CD200: variants seen among roughly 807,000 people sequenced by gnomAD.
The protein encoded by CD200 is OX-2 membrane glycoprotein.
CD200 carries 15 observed loss-of-function variants against 30.9 expected under a neutral mutation model. The ratio of observed to expected loss-of-function variants is 0.49; its 90% confidence interval spans 0.32 to 0.75. CD200 has a LOEUF of 0.75. CD200 is among the 30% of genes least tolerant of loss of function. The pLI, the probability that CD200 is intolerant of heterozygous loss-of-function variation, is 0.03. For synonymous variants in CD200, 134 were observed against 126.2 expected (o/e 1.06, Z -0.41); for missense variants, 262 against 324.2 (o/e 0.81, Z 1.47).
rs563639303 is a variant in CD200 at position 112,334,126 on chromosome 3, T to C, written c.12+902T>C. Reference sequence around the variant, plus strand: ...GCAAGCTAGATGCTGTTAATCTTCTTTGTAACTATCCTTCTAAAAATGAAT... The same window carrying C: ...GCAAGCTAGATGCTGTTAATCTTCTCTGTAACTATCCTTCTAAAAATGAAT... On this transcript the variant is annotated intron_variant, in intron 1 of 5. Coordinates refer to ENST00000315711, the MANE Select transcript of CD200 (RefSeq NM_005944.7). The C allele has an allele frequency of 1.4e-5, 14 of 985,406 alleles. No homozygotes were observed. In the East Asian group the frequency reaches 1.6e-3, roughly 112 times the overall value. 61.0% of individuals were successfully genotyped at this position (985,406 alleles called of 1,614,324 possible).
At chr3:112,359,165 G>T (rs552622328) in intron 5 of CD200, among the ~76,000 whole-genome samples, 2 of 152,204 alleles carry the variant, frequency 1.3e-5, no homozygotes, top group East Asian at 1.9e-4. Flanking sequence ...CTTTATTTTA[G>T]AGAAAGGAAA....
At chr3:112,349,648 C>A in intron 4 of CD200, 64 bp from the exon 5 acceptor site, 1 of 1,399,500 alleles carries the variant, frequency 7.1e-7, no homozygotes, top group East Asian at 2.4e-5. Context: ...AAGCTCAACT[C>A]TTTTTGCCTC....
At chr3:112,339,524 G>T (rs962473737) in intron 1 of CD200, among the ~76,000 whole-genome samples, 3 of 152,166 alleles carry the variant, frequency 2.0e-5, no homozygotes, top group Non-Finnish European at 4.4e-5. Flanking sequence ...CTGTGTCCAG[G>T]CCCCAGACAT....
chr3:112,335,683 A>T (rs966288461), intron 1 of CD200: 5 of 442,064 alleles, frequency 1.1e-5, no homozygotes, highest in Non-Finnish European at 2.1e-5. Context: ...TCCTTCCAGG[A>T]CATCTATCCT....
intron 5 of CD200, among the ~76,000 whole-genome samples, chr3:112,352,148 G>C (rs1463540579): frequency 6.6e-6 from 1 of 152,170 alleles, no homozygotes; most frequent in Non-Finnish European, 1.5e-5. Flanking sequence ...CTTACAGCTA[G>C]TAAAACCAAG....
intron 2 of CD200, among the ~76,000 whole-genome samples, chr3:112,342,426 T>C (rs543603843): frequency 1.1e-5 from 1 of 94,052 alleles, no homozygotes; most frequent in Non-Finnish European, 2.2e-5. Context: ...TCTTTCTTTC[T>C]TTCTTCTCTC....
intron 5 of CD200, among the ~76,000 whole-genome samples, chr3:112,357,270 A>AG (rs2081644156): frequency 2.0e-5 from 3 of 148,364 alleles, no homozygotes; most frequent in East Asian, 2.0e-4. Context: ...AAAAAAAAAA[A>AG]AAAAGAAAGA....
chr3:112,361,360 TAA>T (rs976633003), intron 5 of CD200, among the ~76,000 whole-genome samples, 181 bp from the exon 6 acceptor site: 1 of 152,194 alleles, frequency 6.6e-6, no homozygotes, highest in African/African-American at 2.4e-5. Flanking sequence ...TTTGTTCTTG[TAA>T]AGAGTCATAG....
At chr3:112,334,617 C>T (rs2081071605) in intron 1 of CD200, among the ~76,000 whole-genome samples, 1 of 152,016 alleles carries the variant, frequency 6.6e-6, no homozygotes, top group Admixed American at 6.6e-5. Flanking sequence ...TCCGGAGTCT[C>T]AGAGAGGTAA....
At chr3:112,360,325 C>CTAAAAA (rs10663367) in intron 5 of CD200, among the ~76,000 whole-genome samples, 3 of 88,606 alleles carry the variant, frequency 3.4e-5, no homozygotes, top group African/African-American at 1.1e-4. Context: ...GAGACTTCAT[C>CTAAAAA]TAAAAAAAAT....
intron 5 of CD200, among the ~76,000 whole-genome samples, chr3:112,354,747 A>G (rs1471208885): frequency 1.3e-5 from 2 of 152,212 alleles, no homozygotes; most frequent in Admixed American, 6.5e-5. Context: ...GAAGTCCAAC[A>G]TGGGTCTCAC....
intron 1 of CD200, among the ~76,000 whole-genome samples, chr3:112,339,863 G>A (rs768577361): frequency 6.6e-6 from 1 of 152,204 alleles, no homozygotes; most frequent in Admixed American, 6.5e-5. Context: ...GCCAATGCTA[G>A]CATAATAGAT....
At chr3:112,360,514 T>C (rs1359712895) in intron 5 of CD200, among the ~76,000 whole-genome samples, 1 of 152,194 alleles carries the variant, frequency 6.6e-6, no homozygotes, top group Non-Finnish European at 1.5e-5. Context: ...AATCTGATAA[T>C]TTAAAAATGA....
chr3:112,345,421 T>A, intron 3 of CD200, 133 bp downstream of exon 3: 1 of 677,616 alleles, frequency 1.5e-6, no homozygotes, highest in Non-Finnish European at 2.6e-6. Flanking sequence ...CTTTCTTGTC[T>A]ACTATAGCTG....
chr3:112,333,544 G>A (rs899250182), intron 1 of CD200: 1 of 985,392 alleles, frequency 1.0e-6, no homozygotes, highest in Admixed American at 6.1e-5. Flanking sequence ...CGCATCCTCC[G>A]GGCAGGCTCG....
At chr3:112,355,389 C>CT (rs540937528) in intron 5 of CD200, among the ~76,000 whole-genome samples, 12 of 151,772 alleles carry the variant, frequency 7.9e-5, no homozygotes, top group East Asian at 1.9e-4. Context: ...ATTACAAAAA[C>CT]TTTTTTTTTC....
At chr3:112,349,582 A>G (rs1407040270) in intron 4 of CD200, 130 bp from the exon 5 acceptor site, 4 of 509,064 alleles carry the variant, frequency 7.9e-6, no homozygotes, top group African/African-American at 5.9e-5. Flanking sequence ...TTAAAATAAT[A>G]TGAAGTCATA....
rs1158240894 is a variant in CD200 at position 112,362,470 on chromosome 3, G to A, written c.*920G>A. The A allele has an allele frequency of 6.6e-6, 1 of 152,588 alleles. No homozygotes were observed. The highest frequency in any genetic ancestry group is 1.5e-5 in the Non-Finnish European group (1 of 68,034). The allele number at this position is 152,588 out of a possible 1,614,324, so 9.5% of individuals were successfully genotyped here. A position where few individuals can be genotyped will look rare whatever the true frequency, so the allele number is the denominator to read the frequency against. ...TAGGAGATTTCCTGTATAGCAGTCAGCCAATTCATATGCTTTGTCTCTGCT... is the reference window on the plus strand; with the variant it reads ...TAGGAGATTTCCTGTATAGCAGTCAACCAATTCATATGCTTTGTCTCTGCT... On this transcript the variant is annotated 3_prime_UTR_variant, in exon 6 of 6. Transcript: ENST00000315711.
At chr3:112,352,246 C>A (rs2081546076) in intron 5 of CD200, among the ~76,000 whole-genome samples, 1 of 152,020 alleles carries the variant, frequency 6.6e-6, no homozygotes. Flanking sequence ...AAAGTTGGGA[C>A]AAAGAAAAGA....
Sources: allele counts gnomAD v4.1 joint callset (sites outside exome capture counted in the v4.1 genomes callset), GRCh38; gene constraint gnomAD v4.1.1; transcripts MANE v1.5; gene names NCBI Gene and HGNC (gene_info 2026-07-23, HGNC 2026-07-21).